D2HGDH: variants seen among roughly 807,000 people sequenced by gnomAD.
D2HGDH encodes D-2-hydroxyglutarate dehydrogenase, mitochondrial.
A neutral mutation model predicts 46.9 loss-of-function variants in D2HGDH; 31 were observed. The observed-to-expected ratio is 0.66, with a 90% CI of 0.50 to 0.89. D2HGDH has a LOEUF of 0.89. D2HGDH is among the 40% of genes least tolerant of loss of function. The probability of loss-of-function intolerance (pLI) is 0.00; values close to 1 mark genes in which losing one functional copy is unlikely to be tolerated. For synonymous variants in D2HGDH, 364 were observed against 332.6 expected (o/e 1.09, Z -1.03); for missense variants, 698 against 720.8 (o/e 0.97, Z 0.36).
Position 241,755,391 on chromosome 2 carries a change from G to A in D2HGDH, c.1141-458G>A, listed in dbSNP as rs1191600523. 6.9e-6 allele frequency: 9 copies of A among 1,304,734 alleles called. No homozygotes were observed. The Admixed American group carries it at 9.2e-5, about 13-fold the overall frequency. 80.8% of individuals were successfully genotyped at this position (1,304,734 alleles called of 1,614,324 possible). A position where few individuals can be genotyped will look rare whatever the true frequency, so the allele number is the denominator to read the frequency against. The stretch of plus-strand genomic sequence containing the variant: ...CCCTTCCCTACCCTGCCCCACCCTG[G>A]TTCAGGGAGCGTCCAGGCCCATTCT... On this transcript the variant is annotated intron_variant, in intron 8 of 9. Coordinates refer to ENST00000321264, the MANE Select transcript of D2HGDH (RefSeq NM_152783.5).
At chr2:241,749,184 A>T in intron 6 of D2HGDH, 2 of 831,670 alleles carry the variant, frequency 2.4e-6, no homozygotes, top group South Asian at 1.9e-5. Context: ...CCACCGCCAG[A>T]CCCTCCAACA....
intron 9 of D2HGDH, among the ~76,000 whole-genome samples, 167 bp from the exon 10 acceptor site, chr2:241,767,543 G>T (rs527662260): frequency 6.6e-6 from 1 of 151,638 alleles, no homozygotes; most frequent in Admixed American, 6.6e-5. Flanking sequence ...GGTAGCAGCG[G>T]CCCCAGAGGA....
chr2:241,751,651 C>G (rs1047674513), intron 8 of D2HGDH, among the ~76,000 whole-genome samples: 2 of 152,260 alleles, frequency 1.3e-5, no homozygotes, highest in African/African-American at 2.4e-5. Context: ...AGCAAGGGGA[C>G]TGCCCCATTG....
intron 6 of D2HGDH, among the ~76,000 whole-genome samples, chr2:241,745,391 C>G (rs1433247415): frequency 3.3e-5 from 5 of 152,208 alleles, no homozygotes; most frequent in Non-Finnish European, 5.9e-5. Context: ...CCTGCGGCTC[C>G]TTTCTTGCTT....
At chr2:241,760,542 A>G (rs111548511) in intron 9 of D2HGDH, among the ~76,000 whole-genome samples, 2 of 135,524 alleles carry the variant, frequency 1.5e-5, no homozygotes, top group African/African-American at 2.8e-5. Context: ...CCAATCAGTC[A>G]AAGGCCTTTG....
Position 241,741,018 on chromosome 2 carries a change from T to G in D2HGDH, c.293-15T>G. The G allele has an allele frequency of 3.7e-6, 6 of 1,613,144 alleles. No homozygotes were observed. Among genetic ancestry groups the G allele is most frequent in the Non-Finnish European group, 4.2e-6 (5 of 1,179,234 alleles). On this transcript the variant is annotated splice_polypyrimidine_tract_variant and intron_variant, in intron 2 of 9. Transcript: ENST00000321264. ...TCCCCCCACGCTGTCTCATAGGATC[T>G]TCTTCCTGTCACAGGCTGTAGCAAG... is the stretch of plus-strand genomic sequence containing the variant.
At position 241,767,798 on chromosome 2, in the gene D2HGDH, G is replaced by A. The variant is rs111670322; in HGVS notation, c.1395G>A (p.Thr465=). 4.8e-3 allele frequency: 7,692 copies of A among 1,612,206 alleles called. 328 individuals carry two copies. In the African/African-American group the frequency reaches 0.09, roughly 19 times the overall value. ...TGGAGCCCCACGTGTACGAGTGGACGGCCGGGCAGCAGGGCAGCGTCAGCG... is the reference window on the plus strand; with the variant it reads ...TGGAGCCCCACGTGTACGAGTGGACAGCCGGGCAGCAGGGCAGCGTCAGCG... ...AALEPHVYEW[T]AGQQGSVSAE... Residue 465 remains threonine (T), a synonymous_variant, in exon 10 of 10, where the codon ACG becomes ACA. Coordinates refer to ENST00000321264, the MANE Select transcript of D2HGDH (RefSeq NM_152783.5).
chr2:241,734,633 C>A lies in D2HGDH; in HGVS notation c.-155C>A, dbSNP rs928916361. On this transcript the variant is annotated 5_prime_UTR_variant, in exon 1 of 10. Transcript: ENST00000321264. The stretch of plus-strand genomic sequence containing the variant: ...CAGGCGCGGCGTCGCCCCGCCCACT[C>A]CGGCTCGGCGGCTCTGGGCCTGCGG... 6.7e-6 allele frequency: 1 copy of A among 150,320 alleles called. No individual in the cohort carries two copies. The allele number at this position is 150,320 out of a possible 1,614,324, so 9.3% of individuals were successfully genotyped here.
At chr2:241,750,388 GGTGCCCGGGCGGGC>G in intron 7 of D2HGDH, 94 bp downstream of exon 7, 5 of 1,444,460 alleles carry the variant, frequency 3.5e-6, no homozygotes, top group Admixed American at 1.9e-5. Context: ...GTGGGCGGGG[GGTGCCCGGGCGGGC>G]GGGTGGGGGG....
At chr2:241,749,993 A>T in intron 6 of D2HGDH, 158 bp from the exon 7 acceptor site, 1 of 1,076,050 alleles carries the variant, frequency 9.3e-7, no homozygotes, top group Non-Finnish European at 1.4e-6. Context: ...TGCCAGGCAA[A>T]CCCTGGGCTG....
intron 9 of D2HGDH, among the ~76,000 whole-genome samples, chr2:241,758,767 ATATGTGTGTGTGTGTGTGTG>A (rs1197645539): frequency 7.5e-5 from 8 of 106,226 alleles, no homozygotes; most frequent in African/African-American, 2.4e-4. Context: ...GCCCCACAAT[ATATGTGTGTGTGTGTGTGTG>A]TGTGTGTGTG....
chr2:241,759,661 C>G (rs963826061), intron 9 of D2HGDH, among the ~76,000 whole-genome samples: 6 of 152,234 alleles, frequency 3.9e-5, no homozygotes, highest in Non-Finnish European at 7.3e-5. Context: ...TTGGATTTGT[C>G]TACTTCACCC....
rs147425201 is a variant in D2HGDH at position 241,761,261 on chromosome 2, G to A, written c.1306+5247G>A. Among the ~76,000 whole-genome samples the A allele has an allele frequency of 5.9e-5, 9 of 152,280 alleles. No homozygotes were observed. The East Asian group carries it at 1.7e-3, about 29-fold the overall frequency. ...TGATTTAAAGTATACAGGAGGGGCC[G>A]GGCACAGTGGCTCACGTCTGTAATC... On this transcript the variant is annotated intron_variant, in intron 9 of 9. Transcript: ENST00000321264.
At chr2:241,756,737 G>A (rs1198625297) in intron 9 of D2HGDH, among the ~76,000 whole-genome samples, 1 of 152,212 alleles carries the variant, frequency 6.6e-6, no homozygotes, top group African/African-American at 2.4e-5. Flanking sequence ...GGCCAGGCTG[G>A]TCTTGAACTC....
intron 2 of D2HGDH, among the ~76,000 whole-genome samples, chr2:241,738,150 C>T (rs1202222808): frequency 6.6e-6 from 1 of 152,158 alleles, no homozygotes; most frequent in East Asian, 1.9e-4. Context: ...AGTGGAAGGG[C>T]CCCCACCCTC....
rs1449398161 is a variant in D2HGDH at position 241,743,775 on chromosome 2, G to T, written c.644G>T (p.Arg215Leu). 1 of 1,609,442 alleles carries T rather than the reference G, an allele frequency of 6.2e-7. No homozygotes were observed. The highest frequency in any genetic ancestry group is 2.2e-5 in the East Asian group (1 of 44,760). ...ATNAGGLRFLRYGSLHGTVLG... is the reference protein window; with the variant it reads ...ATNAGGLRFLLYGSLHGTVLG... Reference sequence around the variant, plus strand: ...AACGCTGGAGGCCTGCGGTTTCTTCGATATGGCTCACTGCATGGGACTGTC... The same window carrying T: ...AACGCTGGAGGCCTGCGGTTTCTTCTATATGGCTCACTGCATGGGACTGTC... The change falls in exon 5 of 10, where the codon CGA becomes CTA. Residue 215 changes from arginine to leucine, a missense_variant. Coordinates refer to ENST00000321264, the MANE Select transcript of D2HGDH (RefSeq NM_152783.5). The surrounding 1 kb of genome is among the most constrained non-coding windows in gnomAD (Gnocchi z 4.8).
chr2:241,755,648 G>T, intron 8 of D2HGDH: 3 of 1,538,338 alleles, frequency 2.0e-6, no homozygotes, highest in Non-Finnish European at 2.6e-6. Flanking sequence ...CGCTGTCCTG[G>T]GTCAGAGCCC....
chr2:241,739,316 C>T (rs192411742), intron 2 of D2HGDH, among the ~76,000 whole-genome samples: 11 of 152,308 alleles, frequency 7.2e-5, no homozygotes, highest in Admixed American at 2.6e-4. Context: ...CAAGTGTGTC[C>T]GAGTCGAAAG....
At chr2:241,755,347 G>T (rs1024938268) in intron 8 of D2HGDH, 5 of 1,303,502 alleles carry the variant, frequency 3.8e-6, no homozygotes, top group Non-Finnish European at 5.1e-6. Context: ...TGTCCCCACT[G>T]CCTGTGTGAC....
Sources: allele counts gnomAD v4.1 joint callset (sites outside exome capture counted in the v4.1 genomes callset), GRCh38; gene constraint gnomAD v4.1.1; non-coding constraint Gnocchi (gnomAD v3.1); transcripts MANE v1.5; gene names NCBI Gene and HGNC (gene_info 2026-07-23, HGNC 2026-07-21).